Variants in AIM2 observed in about 807,000 individuals in gnomAD.
AIM2 encodes absent in melanoma 2.
Under a neutral mutation model 27.7 loss-of-function variants are expected in AIM2, and 30 were observed. The observed-to-expected ratio is 1.08, with a 90% CI of 0.81 to 1.47. The LOEUF (loss-of-function observed/expected upper bound fraction) is 1.47. Ranked by LOEUF, AIM2 falls within the 40% of genes most tolerant of loss-of-function variation. The pLI is 0.00. For synonymous variants in AIM2, 141 were observed against 145.3 expected, an observed-to-expected ratio of 0.97 and a Z score of 0.21; for missense variants, 358 against 411.3, an observed-to-expected ratio of 0.87 and a Z score of 1.12.
At chr1:159,077,506 C>T (rs181456087), upstream of AIM2, among the ~76,000 whole-genome samples, 3 of 152,264 alleles carry the variant, frequency 2.0e-5, no homozygotes, top group East Asian at 1.9e-4. Context: ...TAACCAGTTG[C>T]GGCCAGTTTC....
intron 1 of AIM2, among the ~76,000 whole-genome samples, chr1:159,103,013 C>A (rs1457523684): frequency 6.6e-6 from 1 of 152,122 alleles, no homozygotes; most frequent in East Asian, 1.9e-4. Flanking sequence ...TTATAGTTTG[C>A]CTCTGGGTCC....
intron 1 of AIM2, among the ~76,000 whole-genome samples, chr1:159,145,948 A>T (rs943161611): frequency 6.6e-6 from 1 of 152,096 alleles, no homozygotes; most frequent in Non-Finnish European, 1.5e-5. Context: ...TCTACTAAAA[A>T]TATAAAAAGT....
chr1:159,124,451 C>T (rs1647631626), intron 1 of AIM2, among the ~76,000 whole-genome samples: 1 of 152,184 alleles, frequency 6.6e-6, no homozygotes, highest in Non-Finnish European at 1.5e-5. Flanking sequence ...CCGTTCTAGA[C>T]TATGTAAAAC....
At chr1:159,095,883 A>C (rs1454102892) in intron 1 of AIM2, among the ~76,000 whole-genome samples, 1 of 152,214 alleles carries the variant, frequency 6.6e-6, no homozygotes, top group Non-Finnish European at 1.5e-5. Flanking sequence ...TTTTCATTTC[A>C]GGGATATTAT....
chr1:159,136,025 G>A (rs773053506), intron 1 of AIM2, among the ~76,000 whole-genome samples: 3 of 152,168 alleles, frequency 2.0e-5, no homozygotes, highest in Admixed American at 6.5e-5. Flanking sequence ...CCCTTTCCAC[G>A]GGGACTAGAA....
chr1:159,126,788 T>C (rs1426942742), intron 1 of AIM2, among the ~76,000 whole-genome samples: 2 of 152,038 alleles, frequency 1.3e-5, no homozygotes, highest in South Asian at 2.1e-4. Context: ...CTCTAGGAGA[T>C]ATAAGATTAT....
intron 1 of AIM2, among the ~76,000 whole-genome samples, chr1:159,086,227 G>C (rs1161634588): frequency 6.6e-6 from 1 of 152,298 alleles, no homozygotes; most frequent in South Asian, 2.1e-4. Context: ...ACAGGGAGCA[G>C]GTAAAAAGGC....
At chr1:159,087,573 CTTTTTT>C (rs55908329) in intron 1 of AIM2, among the ~76,000 whole-genome samples, 1 of 116,818 alleles carries the variant, frequency 8.6e-6, no homozygotes. Flanking sequence ...TGGATAAAGT[CTTTTTT>C]TTTTTTTTTT....
In AIM2 at chr1:159,139,742, C is replaced by T. The variant is rs555462759; in HGVS notation, c.-16+689G>A. The stretch of plus-strand genomic sequence containing the variant: ...TCTGATCAAACATTTAAACAAATCC[C>T]AACACACTGTCTATTTGGGCACACA... On this transcript the variant is annotated intron_variant, in intron 1 of 2. Coordinates refer to the AIM2 transcript ENST00000368129. Among the ~76,000 whole-genome samples the T allele has an allele frequency of 5.9e-5, 9 of 152,252 alleles. No homozygotes were observed. In the East Asian group the frequency reaches 1.7e-3, roughly 29 times the overall value.
intron 2 of AIM2, among the ~76,000 whole-genome samples, chr1:159,069,074 A>C (rs1473437915): frequency 6.6e-6 from 1 of 152,002 alleles, no homozygotes; most frequent in Non-Finnish European, 1.5e-5. Context: ...CAGGAGTTCA[A>C]AGCTGCAGTG....
At chr1:159,090,893 TA>T (rs1657028194) in intron 1 of AIM2, among the ~76,000 whole-genome samples, 1 of 151,860 alleles carries the variant, frequency 6.6e-6, no homozygotes, top group Non-Finnish European at 1.5e-5. Flanking sequence ...CACATTAGCA[TA>T]AAGTGTCTGA....
intron 1 of AIM2, among the ~76,000 whole-genome samples, chr1:159,146,735 C>A (rs546471511): frequency 1.3e-5 from 2 of 152,166 alleles, no homozygotes; most frequent in African/African-American, 2.4e-5. Flanking sequence ...TCTCTGCCCC[C>A]CTTAGCCATC....
downstream of AIM2, among the ~76,000 whole-genome samples, chr1:159,058,582 C>T (rs894977537): frequency 3.3e-5 from 5 of 152,014 alleles, no homozygotes; most frequent in African/African-American, 1.2e-4. Flanking sequence ...CCCCTGGAAG[C>T]GACAACGGGG....
chr1:159,065,938 A>G lies in AIM2; in HGVS notation c.788T>C (p.Ile263Thr). 1 of 1,612,638 alleles carries G rather than the reference A, an allele frequency of 6.2e-7. No individual in the cohort carries two copies. Among genetic ancestry groups the G allele is most frequent in the South Asian group, 1.1e-5 (1 of 90,684 alleles). ...CTGGACTACAAACAAACCATTCACA[A>G]TTGTTCCAAGGGGCTGAGTTTGAAG... is the stretch of plus-strand genomic sequence containing the variant. ...NTLQTQPLGT[I>T]VNGLFVVQKV... Residue 263 changes from isoleucine to threonine, a missense_variant, in exon 4 of 6, where the codon ATT becomes ACT. Coordinates refer to ENST00000368130, the MANE Select transcript of AIM2 (RefSeq NM_004833.3).
chr1:159,114,483 G>A (rs115470586), intron 1 of AIM2, among the ~76,000 whole-genome samples: 302 of 152,302 alleles, frequency 2.0e-3, no homozygotes, highest in Middle Eastern at 6.8e-3. Flanking sequence ...CACTTTGGGA[G>A]GCCAAGGAGA....
At chr1:159,127,712 A>G (rs2102046569) in intron 1 of AIM2, among the ~76,000 whole-genome samples, 1 of 152,342 alleles carries the variant, frequency 6.6e-6, no homozygotes, top group Non-Finnish European at 1.5e-5. Flanking sequence ...ATGAGGACAT[A>G]GCCATCTATG....
intron 2 of AIM2, among the ~76,000 whole-genome samples, chr1:159,072,416 T>G (rs855868): frequency 0.98 from 149,802 of 152,306 alleles, 73,715 homozygotes; most frequent in East Asian, 1. Context: ...TTGCTGCTAC[T>G]GTTGTACTTT....
chr1:159,058,526 T>C (rs761771245), downstream of AIM2, among the ~76,000 whole-genome samples: 6 of 151,796 alleles, frequency 4.0e-5, no homozygotes, highest in Non-Finnish European at 8.8e-5. Context: ...CCGGTTCATC[T>C]GGAAAAAGGA....
At chr1:159,109,471 G>A (rs4146744) in intron 1 of AIM2, among the ~76,000 whole-genome samples, 1 of 152,176 alleles carries the variant, frequency 6.6e-6, no homozygotes, top group South Asian at 2.1e-4. Context: ...AGATAACATT[G>A]GAAAAAACCC....
Sources: gnomAD v4.1 joint callset for allele counts (sites outside exome capture counted in the v4.1 genomes callset) on GRCh38, gnomAD v4.1.1 for gene constraint, MANE v1.5 for transcripts, NCBI Gene and HGNC (gene_info 2026-07-23, HGNC 2026-07-21) for gene names.